The following UNC13C variants were observed in gnomAD, a reference collection of about 807,000 sequenced individuals.
UNC13C encodes unc-13 homolog C.
UNC13C carries 174 observed loss-of-function variants against 245.4 expected under a neutral mutation model. That is an observed-to-expected ratio of 0.71 (90% CI 0.63 to 0.80). UNC13C has a LOEUF of 0.80. Ranked by LOEUF, UNC13C falls within the 30% of genes least tolerant of loss-of-function variation. The pLI, the probability that UNC13C is intolerant of heterozygous loss-of-function variation, is 0.00. For synonymous variants in UNC13C, 992 were observed against 895.1 expected, an observed-to-expected ratio of 1.11 and a Z score of -1.93; for missense variants, 2,829 against 2,602.9, an observed-to-expected ratio of 1.09 and a Z score of -1.89.
At chr15:54,583,062 T>G (rs890548955) in intron 30 of UNC13C, among the ~76,000 whole-genome samples, 1 of 152,076 alleles carries the variant, frequency 6.6e-6, no homozygotes, top group African/African-American at 2.4e-5. Flanking sequence ...GTCTGAGAAT[T>G]TGCATTTATA....
chr15:54,126,393 T>C (rs1440377337), intron 2 of UNC13C, among the ~76,000 whole-genome samples: 1 of 152,112 alleles, frequency 6.6e-6, no homozygotes, highest in East Asian at 1.9e-4. Flanking sequence ...CATTATATAA[T>C]GATATAGAGG....
rs1017660407 is a variant in UNC13C at position 54,496,791 on chromosome 15, G to T, written c.5060+2057G>T. The stretch of plus-strand genomic sequence containing the variant: ...TGAAGAAGCAAAGAGGCATGAGAAT[G>T]ATACAATGGACTTTGAGGACTTGAG... On this transcript the variant is annotated intron_variant, in intron 20 of 32. Transcript: ENST00000260323. Among the ~76,000 whole-genome samples the T allele has an allele frequency of 1.6e-4, 24 of 151,546 alleles. 1 individual carries two copies. Among genetic ancestry groups the T allele is most frequent in the Non-Finnish European group, 5.9e-5 (4 of 67,924 alleles).
Position 54,328,797 on chromosome 15 carries a change from A to C in UNC13C, c.4426-3246A>C, listed in dbSNP as rs200152869. Among the ~76,000 whole-genome samples, 6 of 152,048 alleles carry C rather than the reference A, an allele frequency of 3.9e-5. No homozygotes were observed. The East Asian group carries it at 1.2e-3, about 29-fold the overall frequency. On this transcript the variant is annotated intron_variant, in intron 14 of 32. Coordinates refer to ENST00000260323, the MANE Select transcript of UNC13C (RefSeq NM_001080534.3). ...GTTTTGTAAGGCCCATAAGCTAAGA[A>C]TATTTTTTAATATTTTCTAATGTTG... is the stretch of plus-strand genomic sequence containing the variant.
At chr15:54,061,879 G>A (rs1239479409) in intron 2 of UNC13C, among the ~76,000 whole-genome samples, 1 of 152,154 alleles carries the variant, frequency 6.6e-6, no homozygotes, top group Non-Finnish European at 1.5e-5. Flanking sequence ...GGGTATGTCA[G>A]TTAAATCAGG....
chr15:54,003,429 A>G (rs1231543117), intron 1 of UNC13C, among the ~76,000 whole-genome samples: 1 of 152,174 alleles, frequency 6.6e-6, no homozygotes, highest in Non-Finnish European at 1.5e-5. Context: ...CCAAGATAGT[A>G]AACAGGCAAA....
chr15:54,442,621 C>T (rs575576826), intron 19 of UNC13C, among the ~76,000 whole-genome samples: 57 of 152,180 alleles, frequency 3.7e-4, no homozygotes, highest in African/African-American at 1.3e-3. Context: ...TTATGTTCCA[C>T]TATGCCTAGT....
At chr15:54,019,994 C>A (rs537520321) in intron 2 of UNC13C, among the ~76,000 whole-genome samples, 1 of 152,214 alleles carries the variant, frequency 6.6e-6, no homozygotes, top group East Asian at 1.9e-4. Context: ...AAAACAACAG[C>A]AACAACCACA....
At position 54,265,364 on chromosome 15, in the gene UNC13C, CACAGGGTCTACAGGCAAAAGATAAA is replaced by C; in HGVS notation, c.3697_3721del (p.Gln1233ValfsTer23). ...TTTTGGTTTATTTCAGTGGTTTCTG[CACAGGGTCTACAGGCAAAAGATAAA>C]ACAGGGTCTAGTGATCCATATGTTA... On this transcript the variant is annotated frameshift_variant, in exon 10 of 33. Transcript: ENST00000260323. LOFTEE classifies it high-confidence loss of function. 1 of 1,556,028 alleles carries C rather than the reference CACAGGGTCTACAGGCAAAAGATAAA, an allele frequency of 6.4e-7. No individual in the cohort carries two copies. The highest frequency in any genetic ancestry group is 8.7e-7 in the Non-Finnish European group (1 of 1,148,974).
intron 17 of UNC13C, among the ~76,000 whole-genome samples, chr15:54,365,753 A>G (rs950083999): frequency 2.7e-5 from 4 of 150,264 alleles, no homozygotes; most frequent in Non-Finnish European, 5.9e-5. Flanking sequence ...CCGCTCAAAA[A>G]GAAAAAAAGA....
the UNC13C span, among the ~76,000 whole-genome samples, chr15:53,882,662 C>A: frequency 6.6e-6 from 1 of 152,074 alleles, no homozygotes; most frequent in South Asian, 2.1e-4. Flanking sequence ...CCACTGTCAT[C>A]CCAAAACTTT....
chr15:54,013,792 C>G lies in UNC13C; in HGVS notation c.889C>G (p.Gln297Glu). 2 of 1,611,414 alleles carry G rather than the reference C, an allele frequency of 1.2e-6. No individual in the cohort carries two copies. The highest frequency in any genetic ancestry group is 1.7e-6 in the Non-Finnish European group (2 of 1,178,816). ...EIEQLRTGFV[Q>E]SRRETRDIHD... ...TGAGCAGTTGCGCACAGGGTTTGTC[C>G]AGTCTCGGAGGGAAACTAGAGACAT... The change falls in exon 2 of 33, where the codon CAG becomes GAG. Residue 297 changes from glutamine (Q) to glutamate (E), a missense_variant. Gln to Glu is a conservative substitution (Grantham distance 29). Coordinates refer to ENST00000260323, the MANE Select transcript of UNC13C (RefSeq NM_001080534.3).
At chr15:54,310,393 A>G (rs576615330) in intron 13 of UNC13C, among the ~76,000 whole-genome samples, 24 of 151,990 alleles carry the variant, frequency 1.6e-4, no homozygotes, top group Admixed American at 1.3e-4. Context: ...CTCTGCAAAG[A>G]GCAATGATTG....
At chr15:54,587,306 C>G (rs1036841775) in intron 30 of UNC13C, among the ~76,000 whole-genome samples, 5 of 152,190 alleles carry the variant, frequency 3.3e-5, no homozygotes, top group Admixed American at 1.3e-4. Flanking sequence ...CCTACCAGGA[C>G]AGTTCACAAA....
At chr15:54,083,270 C>A (rs2141121461) in intron 2 of UNC13C, among the ~76,000 whole-genome samples, 1 of 152,290 alleles carries the variant, frequency 6.6e-6, no homozygotes, top group South Asian at 2.1e-4. Flanking sequence ...TGGCTCCCAG[C>A]TGCAGTGTGG....
rs71105808 is a variant in UNC13C, at chr15:54,408,199, C to CAAAAAA, written c.4848-6758_4848-6753dup. Reference sequence around the variant, plus strand: ...TGGGTGACAGAGTGAGACTCTGCCTCAAAAAAAAAAAAAAAAAAAAAAAAA... The same window carrying CAAAAAA: ...TGGGTGACAGAGTGAGACTCTGCCTCAAAAAAAAAAAAAAAAAAAAAAAAAAAAAAA... On this transcript the variant is annotated intron_variant, in intron 18 of 32. Coordinates refer to ENST00000260323, the MANE Select transcript of UNC13C (RefSeq NM_001080534.3). Among the ~76,000 whole-genome samples the CAAAAAA allele has an allele frequency of 8.3e-3, 241 of 29,118 alleles. 56 individuals are homozygous for CAAAAAA. The highest frequency in any genetic ancestry group is 9.4e-3 in the African/African-American group (107 of 11,326). 19.1% of individuals were successfully genotyped at this position (29,118 alleles called of 152,430 possible).
chr15:54,085,085 C>A (rs1899160709), intron 2 of UNC13C, among the ~76,000 whole-genome samples: 1 of 151,966 alleles, frequency 6.6e-6, no homozygotes, highest in African/African-American at 2.4e-5. Context: ...ATGACTTCTG[C>A]TAACAGTATT....
intron 2 of UNC13C, among the ~76,000 whole-genome samples, chr15:54,106,756 C>T (rs7166444): frequency 0.8 from 121,993 of 152,098 alleles, 49,603 homozygotes; most frequent in Non-Finnish European, 0.87. Flanking sequence ...AGTTTAAAAC[C>T]GACCAAAATA....
intron 10 of UNC13C, among the ~76,000 whole-genome samples, chr15:54,269,626 C>T (rs8024165): frequency 0.33 from 50,821 of 151,954 alleles, 8,908 homozygotes; most frequent in African/African-American, 0.44. Context: ...TGTGACAATT[C>T]GCAGTGCTCA....
At chr15:54,480,559 AT>A (rs34208456) in intron 19 of UNC13C, among the ~76,000 whole-genome samples, 62,406 of 150,314 alleles carry the variant, frequency 0.42, 13,136 homozygotes, top group East Asian at 0.63. Flanking sequence ...TAGTTCCATG[AT>A]TTTTTCTTTA....
Sources: gnomAD v4.1 joint callset for allele counts (sites outside exome capture counted in the v4.1 genomes callset) on GRCh38, gnomAD v4.1.1 for gene constraint, MANE v1.5 for transcripts, NCBI Gene and HGNC (gene_info 2026-07-23, HGNC 2026-07-21) for gene names.